Variants in FGF13 observed in about 807,000 individuals in gnomAD.
FGF13 encodes the protein fibroblast growth factor 13, also known as fibroblast growth factor homologous factor 2.
Under a neutral mutation model 19.5 loss-of-function variants are expected in FGF13, and 2 were observed. That is an observed-to-expected ratio of 0.10 (90% CI 0.04 to 0.32). The LOEUF is 0.32. Ranked by LOEUF, FGF13 falls within the 10% of genes least tolerant of loss-of-function variation. The probability of loss-of-function intolerance (pLI) is 1.00; values close to 1 mark genes in which losing one functional copy is unlikely to be tolerated. For missense variants in FGF13, 113 were observed against 192.7 expected, an observed-to-expected ratio of 0.59 and a Z score of 2.45; for synonymous variants, 72 against 76.9, an observed-to-expected ratio of 0.94 and a Z score of 0.33.
chrX:138,804,401 T>G (rs1052975532), intron 3 of FGF13, among the ~76,000 whole-genome samples: 1 of 112,245 alleles, frequency 8.9e-6, no homozygotes, highest in Admixed American at 9.5e-5. Flanking sequence ...ATATGTCACC[T>G]TCACCTGAAC....
chrX:138,779,171 C>T (rs1287774554), intron 3 of FGF13, among the ~76,000 whole-genome samples: 1 of 110,365 alleles, frequency 9.1e-6, no homozygotes, highest in Non-Finnish European at 1.9e-5. Flanking sequence ...CTGTACATCA[C>T]CATCATCAAA....
At position 138,981,318 on chromosome X, in the gene FGF13, TACACAC is replaced by T. The variant is rs57954256; in HGVS notation, c.-112-116674_-112-116669del. On this transcript the variant is annotated intron_variant, in intron 1 of 2. Transcript: ENST00000421460. ...CACAGCTGGAACAAAATTGTGTGCT[TACACAC>T]ACACACACACACACACACACACACA... 2.1e-3 allele frequency among the ~76,000 whole-genome samples: 201 copies of T among 97,001 alleles called. 1 individual carries two copies. Among genetic ancestry groups the T allele is most frequent in the Middle Eastern group, 5.5e-3 (1 of 181 alleles). 84.2% of individuals were successfully genotyped at this position (97,001 alleles called of 115,157 possible).
At chrX:138,998,763 T>C (rs1414686080) in intron 1 of FGF13, among the ~76,000 whole-genome samples, 1 of 111,390 alleles carries the variant, frequency 9.0e-6, no homozygotes, top group Non-Finnish European at 1.9e-5. Flanking sequence ...ACTGTCAACA[T>C]TAGACAGATC....
At chrX:138,911,051 G>A in intron 1 of FGF13, among the ~76,000 whole-genome samples, 2 of 110,548 alleles carry the variant, frequency 1.8e-5, no homozygotes, top group Admixed American at 1.9e-4. Flanking sequence ...AAGCAAAGGA[G>A]GTGCTGGGAT....
intron 3 of FGF13, among the ~76,000 whole-genome samples, chrX:138,688,061 T>C (rs1602701691): frequency 1.8e-5 from 2 of 109,085 alleles, no homozygotes. Flanking sequence ...GTTCAAGTAA[T>C]TCTCCTGCCT....
intron 1 of FGF13, among the ~76,000 whole-genome samples, chrX:138,722,583 C>G (rs2090155226): frequency 9.0e-6 from 1 of 111,174 alleles, no homozygotes; most frequent in African/African-American, 3.3e-5. Flanking sequence ...TAGATATCCA[C>G]CTGCTCCCGG....
At chrX:139,105,612 A>G (rs1214344799) in intron 1 of FGF13, among the ~76,000 whole-genome samples, 1 of 112,139 alleles carries the variant, frequency 8.9e-6, no homozygotes, top group Non-Finnish European at 1.9e-5. Flanking sequence ...TGAGGATCCA[A>G]TAAGATGGGG....
intron 3 of FGF13, among the ~76,000 whole-genome samples, chrX:138,756,939 T>C (rs1462076868): frequency 8.9e-6 from 1 of 111,885 alleles, no homozygotes; most frequent in Non-Finnish European, 1.9e-5. Context: ...ATTATACCTC[T>C]GTTATCTGTG....
chrX:138,730,344 A>G (rs1341199977), intron 1 of FGF13, among the ~76,000 whole-genome samples: 1 of 111,510 alleles, frequency 9.0e-6, no homozygotes, highest in African/African-American at 3.3e-5. Context: ...ATAATAAAAA[A>G]ATAATAATAA....
chrX:139,054,927 G>GTATTGTATTC (rs1321076186), intron 1 of FGF13, among the ~76,000 whole-genome samples: 1 of 108,909 alleles, frequency 9.2e-6, no homozygotes, highest in Admixed American at 9.8e-5. Context: ...GTATTGTATT[G>GTATTGTATTC]TATTGTATTT....
At chrX:139,007,886 T>A in intron 1 of FGF13, among the ~76,000 whole-genome samples, 1 of 111,200 alleles carries the variant, frequency 9.0e-6, no homozygotes, top group Non-Finnish European at 1.9e-5. Context: ...AATGGGGAGG[T>A]TTGTGATCTG....
At position 138,628,541 on chromosome X, in the gene FGF13, C is replaced by T. The variant is rs1419985533; in HGVS notation, c.*4309G>A. 1 of 112,231 alleles carries T rather than the reference C, an allele frequency of 8.9e-6. No homozygotes were observed. The highest frequency in any genetic ancestry group is 2.8e-4 in the East Asian group (1 of 3,555). The allele number at this position is 112,231 out of a possible 1,213,427, so 9.2% of individuals were successfully genotyped here. A position where few individuals can be genotyped will look rare whatever the true frequency, so the allele number is the denominator to read the frequency against. ...CCAGTGAAGGCACATTTCAATTTTA[C>T]CCATGAATGACATCGCATCTAAATG... On this transcript the variant is annotated 3_prime_UTR_variant, in exon 5 of 5. Coordinates refer to ENST00000315930, the MANE Select transcript of FGF13 (RefSeq NM_004114.5).
At chrX:138,836,565 C>T (rs914935694) in intron 3 of FGF13, among the ~76,000 whole-genome samples, 7 of 111,881 alleles carry the variant, frequency 6.3e-5, no homozygotes, top group Non-Finnish European at 1.1e-4. Flanking sequence ...TCTATACTAT[C>T]TATTTTGTCT....
At chrX:139,179,877 T>C (rs2084225955) in intron 1 of FGF13, among the ~76,000 whole-genome samples, 2 of 113,244 alleles carry the variant, frequency 1.8e-5, no homozygotes, top group African/African-American at 6.4e-5. Context: ...TTTAACTGTA[T>C]GGTCAATAAA....
chrX:138,834,861 T>C (rs2091100212), intron 3 of FGF13, among the ~76,000 whole-genome samples: 1 of 111,872 alleles, frequency 8.9e-6, no homozygotes, highest in African/African-American at 3.2e-5. Context: ...ATTGTATCTT[T>C]GTTCTCATTA....
At chrX:138,988,838 G>A (rs1018232158) in intron 1 of FGF13, among the ~76,000 whole-genome samples, 11 of 112,081 alleles carry the variant, frequency 9.8e-5, no homozygotes, top group Admixed American at 3.8e-4. Flanking sequence ...TTCTGAGCAT[G>A]CTTGCTGGCA....
At chrX:139,125,871 C>T (rs1322358124) in intron 1 of FGF13, among the ~76,000 whole-genome samples, 2 of 111,391 alleles carry the variant, frequency 1.8e-5, no homozygotes, top group Non-Finnish European at 3.8e-5. Flanking sequence ...TCAGTCCATG[C>T]CCATCTACTG....
rs1046177939 is a variant in FGF13, at chrX:138,827,112, T to C, written c.217+30400A>G. Among the ~76,000 whole-genome samples, 8 of 112,237 alleles carry C rather than the reference T, an allele frequency of 7.1e-5. No individual in the cohort carries two copies. In the South Asian group the frequency reaches 1.8e-3, roughly 26 times the overall value. ...CAGCTACCAGAGCATGTTCTAATGCTAGAAGAGTTTGTATCCAAGATAGAA... is the reference window on the plus strand; with the variant it reads ...CAGCTACCAGAGCATGTTCTAATGCCAGAAGAGTTTGTATCCAAGATAGAA... On this transcript the variant is annotated intron_variant, in intron 3 of 6. Coordinates refer to the FGF13 transcript ENST00000436198.
intron 1 of FGF13, among the ~76,000 whole-genome samples, chrX:139,156,710 C>T (rs2083980077): frequency 8.9e-6 from 1 of 111,833 alleles, no homozygotes; most frequent in Non-Finnish European, 1.9e-5. Context: ...AATCAGAGCC[C>T]ACTCCCAGAA....
Sources: gnomAD v4.1 joint callset for allele counts (sites outside exome capture counted in the v4.1 genomes callset) on GRCh38, gnomAD v4.1.1 for gene constraint, MANE v1.5 for transcripts, NCBI Gene and HGNC (gene_info 2026-07-23, HGNC 2026-07-21) for gene names.